The following NUMB variants were observed in gnomAD, a reference collection of about 807,000 sequenced individuals.
NUMB encodes protein numb homolog.
Under a neutral mutation model 59.7 loss-of-function variants are expected in NUMB, and 29 were observed. The ratio of observed to expected loss-of-function variants is 0.49; its 90% CI spans 0.36 to 0.66. NUMB has a LOEUF of 0.66. Among genes scored for constraint, NUMB ranks in the 30% least tolerant of loss-of-function variants. The pLI, the probability that NUMB is intolerant of heterozygous loss-of-function variation, is 0.00. For synonymous variants in NUMB, 288 were observed against 288.2 expected, an observed-to-expected ratio of 1.00 and a Z score of 0.01; for missense variants, 723 against 822.0, an observed-to-expected ratio of 0.88 and a Z score of 1.47.
At chr14:73,277,540 T>A (rs1423909357) in intron 12 of NUMB, among the ~76,000 whole-genome samples, 1 of 152,148 alleles carries the variant, frequency 6.6e-6, no homozygotes, top group Non-Finnish European at 1.5e-5. Flanking sequence ...ATGGCTCAAA[T>A]GCATTAAACC....
At chr14:73,282,000 A>G (rs1321783707) in intron 11 of NUMB, among the ~76,000 whole-genome samples, 4 of 152,242 alleles carry the variant, frequency 2.6e-5, no homozygotes, top group Non-Finnish European at 5.9e-5. Flanking sequence ...ACTACACTAA[A>G]GAAAGCATAA....
intron 2 of NUMB, among the ~76,000 whole-genome samples, chr14:73,375,616 A>G (rs536038544): frequency 2.6e-5 from 4 of 152,348 alleles, no homozygotes; most frequent in African/African-American, 9.6e-5. Flanking sequence ...TTTGATCAGC[A>G]TGCCATGAAG....
intron 1 of NUMB, among the ~76,000 whole-genome samples, chr14:73,418,719 C>T (rs1245175107): frequency 2.0e-5 from 3 of 151,374 alleles, no homozygotes; most frequent in Admixed American, 6.6e-5. Context: ...TGCAGTGAGC[C>T]GAAACTGCGC....
intron 6 of NUMB, among the ~76,000 whole-genome samples, chr14:73,307,724 C>T (rs976535329): frequency 3.2e-4 from 43 of 135,908 alleles, no homozygotes; most frequent in African/African-American, 1.2e-3. Flanking sequence ...AATCGGGCCT[C>T]TGTCTTTTTT....
rs183310164 is a variant in NUMB at position 73,435,388 on chromosome 14, C to T, written c.-233+23105G>A. Reference sequence around the variant, plus strand: ...TCCCAGGTTCACGCCATTCTCCTGCCTCAGCCTCCTGAGTAGCTGGGACTA... The same window carrying T: ...TCCCAGGTTCACGCCATTCTCCTGCTTCAGCCTCCTGAGTAGCTGGGACTA... On this transcript the variant is annotated intron_variant, in intron 1 of 12. Coordinates refer to ENST00000555238, the MANE Select transcript of NUMB (RefSeq NM_001005743.2). Among the ~76,000 whole-genome samples the T allele has an allele frequency of 2.7e-3, 413 of 151,578 alleles. 2 individuals carry two copies. Among genetic ancestry groups the T allele is most frequent in the African/African-American group, 9.7e-3 (402 of 41,316 alleles).
At chr14:73,435,914 G>A (rs541729599) in intron 1 of NUMB, among the ~76,000 whole-genome samples, 1 of 151,628 alleles carries the variant, frequency 6.6e-6, no homozygotes, top group African/African-American at 2.4e-5. Context: ...GCTGATGTGA[G>A]AGAATTGCTT....
chr14:73,276,905 G>A lies in NUMB; in HGVS notation c.1629C>T (p.Gly543=). The A allele has an allele frequency of 6.2e-7, 1 of 1,614,062 alleles. No homozygotes were observed. The highest frequency in any genetic ancestry group is 8.5e-7 in the Non-Finnish European group (1 of 1,179,966). The change falls in exon 13 of 13, where the codon GGC becomes GGT. Residue 543 remains glycine, a synonymous_variant. Coordinates refer to ENST00000555238, the MANE Select transcript of NUMB (RefSeq NM_001005743.2). The part of the protein sequence containing the change: ...QMVANVFGTA[G]HPQAAHPHQS... The stretch of plus-strand genomic sequence containing the variant: ...GATGGGGATGGGCAGCCTGAGGGTG[G>A]CCTGCAGTGCCAAATACGTTGGCCA...
Position 73,282,717 on chromosome 14 carries a change from A to G in NUMB, c.950-212T>C, listed in dbSNP as rs533494530. Among the ~76,000 whole-genome samples, 4 of 152,322 alleles carry G rather than the reference A, an allele frequency of 2.6e-5. No individual in the cohort carries two copies. In the South Asian group the frequency reaches 8.3e-4, roughly 32 times the overall value. ...AGATGGGAAAGTATAAAATGTCAACAATTAATGTACTAAGGCACATCTTCC... is the reference window on the plus strand; with the variant it reads ...AGATGGGAAAGTATAAAATGTCAACGATTAATGTACTAAGGCACATCTTCC... On this transcript the variant is annotated intron_variant, in intron 10 of 12. Coordinates refer to ENST00000555238, the MANE Select transcript of NUMB (RefSeq NM_001005743.2).
At chr14:73,318,039 G>T (rs912436925) in intron 5 of NUMB, among the ~76,000 whole-genome samples, 2 of 152,118 alleles carry the variant, frequency 1.3e-5, no homozygotes, top group Admixed American at 6.6e-5. Context: ...AACTGCAACT[G>T]GAAAAATAAT....
intron 2 of NUMB, among the ~76,000 whole-genome samples, chr14:73,372,313 A>ATATATATATATATATATATATAACCTTT (rs1566766427): frequency 2.1e-3 from 203 of 98,686 alleles, no homozygotes; most frequent in African/African-American, 8.1e-3. Context: ...TTTTATATAT[A>ATATATATATATATATATATATAACCTTT]TATATATATA....
chr14:73,398,727 T>C (rs1594990177), intron 2 of NUMB, among the ~76,000 whole-genome samples: 2 of 152,158 alleles, frequency 1.3e-5, no homozygotes, highest in Non-Finnish European at 2.9e-5. Flanking sequence ...GCTAAACAGA[T>C]GGATAAGACC....
chr14:73,390,887 G>A (rs1386810482), intron 2 of NUMB, among the ~76,000 whole-genome samples: 1 of 151,746 alleles, frequency 6.6e-6, no homozygotes, highest in African/African-American at 2.4e-5. Context: ...GACCTCAGGT[G>A]ATCCGCCCAC....
At chr14:73,321,256 T>G (rs1452942013) in intron 5 of NUMB, among the ~76,000 whole-genome samples, 1 of 152,206 alleles carries the variant, frequency 6.6e-6, no homozygotes, top group Non-Finnish European at 1.5e-5. Flanking sequence ...CCATAAGTTG[T>G]GTAAATTATA....
At chr14:73,352,475 CACATATATATATATATATATATATATAT>C (rs1566756086) in intron 4 of NUMB, among the ~76,000 whole-genome samples, 1,244 of 13,710 alleles carry the variant, frequency 0.091, 186 homozygotes, top group Admixed American at 0.25. Context: ...CACACACACA[CACATATATATATATATATATATATATAT>C]ATATATATAT....
At position 73,292,745 on chromosome 14, in the gene NUMB, C is replaced by T. The variant is rs766351794; in HGVS notation, c.439G>A (p.Val147Ile). The change falls in exon 8 of 13, where the codon GTC becomes ATC. Residue 147 changes from valine to isoleucine, a missense_variant. By Grantham distance (29) the Val-to-Ile change is conservative (BLOSUM62 3). Around this residue, in one of 2 missense-constraint regions of NUMB, gnomAD observed 317 missense variants for 436.6 expected, o/e 0.73. Transcript: ENST00000555238. The stretch of plus-strand genomic sequence containing the variant: ...TTTGCTGGACTCACTGTGTCCTTGA[C>T]AGCCATGAAGCAGTGACAGATCCAG... ...RRWICHCFMA[V>I]KDTGERLSHA... 6.2e-7 allele frequency: 1 copy of T among 1,614,164 alleles called. No individual in the cohort carries two copies. Among genetic ancestry groups the T allele is most frequent in the Non-Finnish European group, 8.5e-7 (1 of 1,180,000 alleles).
chr14:73,372,302 CTT>C (rs1189846308), intron 2 of NUMB, among the ~76,000 whole-genome samples: 1 of 30,506 alleles, frequency 3.3e-5, no homozygotes, highest in Non-Finnish European at 5.7e-5. Flanking sequence ...ATATATATTT[CTT>C]TTATATATAT....
At chr14:73,455,156 G>A (rs115471836) in intron 1 of NUMB, among the ~76,000 whole-genome samples, 3,361 of 152,082 alleles carry the variant, frequency 0.022, 128 homozygotes, top group African/African-American at 0.075. Context: ...TTATTTTTGA[G>A]AGAGAAAAAA....
intron 4 of NUMB, among the ~76,000 whole-genome samples, chr14:73,326,858 A>C (rs2139935030): frequency 6.6e-6 from 1 of 152,290 alleles, no homozygotes; most frequent in South Asian, 2.1e-4. Context: ...ATGTTTGATC[A>C]CTTGATTTTA....
chr14:73,364,949 G>GA (rs1364952495), intron 3 of NUMB, among the ~76,000 whole-genome samples: 5 of 152,108 alleles, frequency 3.3e-5, no homozygotes, highest in Admixed American at 6.6e-5. Flanking sequence ...TAAGGCAAGA[G>GA]AAAGAAATAA....
Sources: gnomAD v4.1 joint callset for allele counts (sites outside exome capture counted in the v4.1 genomes callset) on GRCh38, gnomAD v4.1.1 for gene constraint, gnomAD v4.1.1 regional missense constraint, MANE v1.5 for transcripts, NCBI Gene and HGNC (gene_info 2026-07-23, HGNC 2026-07-21) for gene names.